Variants in SLC10A7 observed in about 807,000 individuals in gnomAD.
SLC10A7 encodes sodium/bile acid cotransporter 7.
A neutral mutation model predicts 43.2 loss-of-function variants in SLC10A7; 29 were observed. That is an observed-to-expected ratio of 0.67 (90% CI 0.50 to 0.92). The LOEUF (loss-of-function observed/expected upper bound fraction) is 0.92, where lower values mean the gene tolerates loss of function less well. Among genes scored for constraint, SLC10A7 ranks in the 40% least tolerant of loss-of-function variants. The pLI, the probability that SLC10A7 is intolerant of heterozygous loss-of-function variation, is 0.00. For synonymous variants in SLC10A7, 152 were observed against 144.8 expected (o/e 1.05, Z -0.35); for missense variants, 295 against 403.2 (o/e 0.73, Z 2.30).
At chr4:146,379,630 G>A (rs138562708) in intron 5 of SLC10A7, among the ~76,000 whole-genome samples, 4 of 152,186 alleles carry the variant, frequency 2.6e-5, no homozygotes, top group African/African-American at 4.8e-5. Flanking sequence ...CCCCAATCTT[G>A]ATAACTGTCC....
At chr4:146,481,239 A>G (rs1734446890) in intron 4 of SLC10A7, among the ~76,000 whole-genome samples, 1 of 151,708 alleles carries the variant, frequency 6.6e-6, no homozygotes, top group Admixed American at 6.6e-5. Flanking sequence ...ATGCCACCCC[A>G]CTCCCCAGTC....
Position 146,258,830 on chromosome 4 carries a change from C to G in SLC10A7, c.855G>C (p.Pro285=). Residue 285 remains proline (P), a synonymous_variant, in exon 11 of 12, where the codon CCG becomes CCC. Coordinates refer to ENST00000335472, the MANE Select transcript of SLC10A7 (RefSeq NM_001029998.6). ...GGCCTGCAAACACGATCTTCAGCAT[C>G]GGAATTCCTGTTGAACAAAGAAGAC... is the stretch of plus-strand genomic sequence containing the variant. ...STHKSLTLGI[P]MLKIVFAGHE... 1 of 1,606,502 alleles carries G rather than the reference C, an allele frequency of 6.2e-7. No homozygotes were observed. The highest frequency in any genetic ancestry group is 8.5e-7 in the Non-Finnish European group (1 of 1,178,316).
intron 5 of SLC10A7, among the ~76,000 whole-genome samples, chr4:146,379,480 G>T (rs969367877): frequency 6.6e-6 from 1 of 152,070 alleles, no homozygotes; most frequent in Non-Finnish European, 1.5e-5. Flanking sequence ...ACTGTTGCTG[G>T]TAAGACTAAT....
intron 9 of SLC10A7, among the ~76,000 whole-genome samples, chr4:146,284,959 G>A (rs897515982): frequency 1.3e-5 from 2 of 152,136 alleles, no homozygotes; most frequent in African/African-American, 4.8e-5. Flanking sequence ...GGGAAAGTAG[G>A]AGATGATGAT....
chr4:146,459,553 C>T (rs1732354009), intron 4 of SLC10A7, among the ~76,000 whole-genome samples: 1 of 151,070 alleles, frequency 6.6e-6, no homozygotes, highest in Non-Finnish European at 1.5e-5. Context: ...GGCAAAGGTG[C>T]TAGAGTAATT....
At chr4:146,310,972 G>A (rs1731937908) in intron 6 of SLC10A7, among the ~76,000 whole-genome samples, 1 of 143,724 alleles carries the variant, frequency 7.0e-6, no homozygotes, top group Non-Finnish European at 1.5e-5. Flanking sequence ...GGGGGGAGGG[G>A]GATGAGGGGA....
chr4:146,464,271 CAAAT>C (rs1257043513), intron 4 of SLC10A7, among the ~76,000 whole-genome samples: 3 of 151,964 alleles, frequency 2.0e-5, no homozygotes, highest in Non-Finnish European at 2.9e-5. Flanking sequence ...ATTAAGTGGA[CAAAT>C]AGAGTTACAA....
intron 3 of SLC10A7, 124 bp from the exon 4 acceptor site, chr4:146,504,048 C>T (rs1579358790): frequency 1.2e-6 from 1 of 822,246 alleles, no homozygotes; most frequent in Non-Finnish European, 2.0e-6. Flanking sequence ...GATGCACATC[C>T]CCTGTTGAAT....
chr4:146,263,790 T>G (rs1672167823), intron 10 of SLC10A7, among the ~76,000 whole-genome samples: 1 of 152,346 alleles, frequency 6.6e-6, no homozygotes, highest in Middle Eastern at 3.4e-3. Context: ...AATGCCTCTT[T>G]AATACAATGC....
chr4:146,379,910 A>C (rs753989428), intron 5 of SLC10A7, among the ~76,000 whole-genome samples: 2 of 151,770 alleles, frequency 1.3e-5, no homozygotes, highest in Non-Finnish European at 2.9e-5. Flanking sequence ...GATTCATACT[A>C]CACAAATATC....
At chr4:146,333,893 T>C (rs1578909783) in intron 5 of SLC10A7, among the ~76,000 whole-genome samples, 1 of 152,164 alleles carries the variant, frequency 6.6e-6, no homozygotes, top group Admixed American at 6.5e-5. Context: ...AGCAGGAGGC[T>C]ATTCAGGACT....
At chr4:146,444,755 G>C (rs889147476) in intron 4 of SLC10A7, among the ~76,000 whole-genome samples, 4 of 152,150 alleles carry the variant, frequency 2.6e-5, no homozygotes, top group Admixed American at 2.6e-4. Context: ...CACTCAGTCA[G>C]CTATACTGTC....
At chr4:146,473,592 G>A (rs1377265095) in intron 4 of SLC10A7, among the ~76,000 whole-genome samples, 1 of 152,028 alleles carries the variant, frequency 6.6e-6, no homozygotes, top group Non-Finnish European at 1.5e-5. Flanking sequence ...CAAAGAAGGG[G>A]TATAATTTGA....
chr4:146,463,578 A>G (rs2149943045), intron 4 of SLC10A7, among the ~76,000 whole-genome samples: 1 of 152,102 alleles, frequency 6.6e-6, no homozygotes, highest in Non-Finnish European at 1.5e-5. Context: ...CTGTCTCTAG[A>G]AAAAATTAAA....
intron 6 of SLC10A7, among the ~76,000 whole-genome samples, chr4:146,307,106 T>A (rs1347426939): frequency 6.6e-6 from 1 of 152,190 alleles, no homozygotes; most frequent in African/African-American, 2.4e-5. Flanking sequence ...GTGTTTTCAC[T>A]GATTTCTGCA....
At chr4:146,355,273 A>G (rs1393652452) in intron 5 of SLC10A7, among the ~76,000 whole-genome samples, 1 of 152,204 alleles carries the variant, frequency 6.6e-6, no homozygotes, top group Non-Finnish European at 1.5e-5. Context: ...ATGCAGCCAA[A>G]AAATACATGG....
intron 5 of SLC10A7, among the ~76,000 whole-genome samples, chr4:146,437,078 G>A (rs1170895583): frequency 6.6e-6 from 1 of 151,968 alleles, no homozygotes; most frequent in Non-Finnish European, 1.5e-5. Context: ...CCACATTTAT[G>A]CTTTGTGTAT....
At position 146,281,927 on chromosome 4, in the gene SLC10A7, G is replaced by A. The variant is rs1729582537; in HGVS notation, c.847+1265C>T. ...ACAGTATGATTATTGCACACATCTT[G>A]TCATTTATTGACTACCTATTATCTA... is the stretch of plus-strand genomic sequence containing the variant. On this transcript the variant is annotated intron_variant, in intron 10 of 11. Transcript: ENST00000335472. 3.3e-5 allele frequency among the ~76,000 whole-genome samples: 5 copies of A among 152,128 alleles called. No homozygotes were observed. In the South Asian group the frequency reaches 8.3e-4, roughly 25 times the overall value.
At chr4:146,409,942 T>C (rs766985386) in intron 5 of SLC10A7, among the ~76,000 whole-genome samples, 13 of 152,236 alleles carry the variant, frequency 8.5e-5, no homozygotes, top group Admixed American at 2.6e-4. Context: ...TAACATTTCA[T>C]AGCATAATTG....
Sources: allele counts gnomAD v4.1 joint callset (sites outside exome capture counted in the v4.1 genomes callset), GRCh38; gene constraint gnomAD v4.1.1; transcripts MANE v1.5; gene names NCBI Gene and HGNC (gene_info 2026-07-23, HGNC 2026-07-21).